The following ZMYND11 variants were observed in gnomAD, a reference collection of about 807,000 sequenced individuals.
ZMYND11 encodes the protein zinc finger MYND-type containing 11.
Under a neutral mutation model 84.9 loss-of-function variants are expected in ZMYND11, and 9 were observed. The observed-to-expected ratio is 0.11, with a 90% CI of 0.06 to 0.18. The LOEUF is 0.18. Among genes scored for constraint, ZMYND11 ranks in the 10% least tolerant of loss-of-function variants. ZMYND11 has a pLI of 1.00. For missense variants in ZMYND11, 409 were observed against 761.0 expected (o/e 0.54, Z 5.44); for synonymous variants, 250 against 244.1 (o/e 1.02, Z -0.23).
At chr10:176,820 A>G (rs147654563) in intron 1 of ZMYND11, among the ~76,000 whole-genome samples, 1 of 152,294 alleles carries the variant, frequency 6.6e-6, no homozygotes, top group Non-Finnish European at 1.5e-5. Flanking sequence ...GCAGGGGAGA[A>G]CATTCCAGGG....
At chr10:130,387 C>G (rs373920562), upstream of ZMYND11, among the ~76,000 whole-genome samples, 2 of 152,168 alleles carry the variant, frequency 1.3e-5, no homozygotes, top group East Asian at 1.9e-4. Flanking sequence ...GTGTGCTCGA[C>G]TACGGGACGT....
chr10:219,157 C>G (rs1254400995), intron 3 of ZMYND11, among the ~76,000 whole-genome samples: 4 of 152,100 alleles, frequency 2.6e-5, no homozygotes, highest in African/African-American at 9.7e-5. Context: ...AACACCCTAT[C>G]AAAGATCCAT....
chr10:240,869 A>G, intron 8 of ZMYND11, 24 bp from the exon 9 acceptor site: 1 of 1,584,138 alleles, frequency 6.3e-7, no homozygotes, highest in Non-Finnish European at 8.6e-7. Flanking sequence ...TATGTAGGCT[A>G]AAGTAGTTTC....
intron 4 of ZMYND11, among the ~76,000 whole-genome samples, chr10:233,763 C>G (rs1949430923): frequency 1.3e-5 from 2 of 152,176 alleles, no homozygotes; most frequent in Non-Finnish European, 2.9e-5. Flanking sequence ...CAGACAAAAT[C>G]AGACTTTCAT....
chr10:173,359 C>T (rs1564314901), intron 1 of ZMYND11, among the ~76,000 whole-genome samples: 1 of 152,152 alleles, frequency 6.6e-6, no homozygotes, highest in Non-Finnish European at 1.5e-5. Flanking sequence ...AGGCTACAGA[C>T]TGGGAGAAAA....
chr10:140,834 A>C (rs1400629447), intron 1 of ZMYND11, among the ~76,000 whole-genome samples: 1 of 152,248 alleles, frequency 6.6e-6, no homozygotes, highest in Non-Finnish European at 1.5e-5. Flanking sequence ...AGTATGTGGC[A>C]CATTTCATTT....
intron 4 of ZMYND11, among the ~76,000 whole-genome samples, chr10:222,943 A>G (rs946862919): frequency 6.6e-6 from 1 of 152,116 alleles, no homozygotes; most frequent in East Asian, 1.9e-4. Context: ...GAATTGAACA[A>G]TTATTATACC....
intron 4 of ZMYND11, among the ~76,000 whole-genome samples, chr10:222,737 C>T (rs1461227514): frequency 1.3e-5 from 2 of 151,598 alleles, no homozygotes; most frequent in Non-Finnish European, 1.5e-5. Flanking sequence ...TTAGTAGTCA[C>T]ATGGGGATCC....
intron 1 of ZMYND11, among the ~76,000 whole-genome samples, chr10:154,312 T>C (rs1308783242): frequency 1.3e-5 from 2 of 152,224 alleles, no homozygotes; most frequent in Non-Finnish European, 2.9e-5. Context: ...TTATAGTGTC[T>C]CTGTAAGGCA....
intron 2 of ZMYND11, chr10:198,129 A>G (rs930136285): frequency 1.9e-4 from 71 of 378,714 alleles, no homozygotes; most frequent in African/African-American, 1.5e-3. Flanking sequence ...TTAAATTAAA[A>G]ATATTTCCTT....
chr10:184,689 G>T (rs906506446), intron 2 of ZMYND11, among the ~76,000 whole-genome samples: 1 of 152,050 alleles, frequency 6.6e-6, no homozygotes, highest in Non-Finnish European at 1.5e-5. Context: ...TGACCATCAG[G>T]GTGTCATTCT....
intron 10 of ZMYND11, among the ~76,000 whole-genome samples, chr10:245,037 CAGTAAATATCTGTTGATTGGAAGAGT>C (rs1264346928): frequency 6.6e-6 from 1 of 152,104 alleles, no homozygotes; most frequent in Non-Finnish European, 1.5e-5. Context: ...AATAGGAAAT[CAGTAAATATCTGTTGATTGGAAGAGT>C]AAATATATTC....
chr10:143,219 G>C (rs1243724914), intron 1 of ZMYND11, among the ~76,000 whole-genome samples: 1 of 152,160 alleles, frequency 6.6e-6, no homozygotes, highest in Admixed American at 6.5e-5. Context: ...GGTAAAGAGA[G>C]AAATAATCGA....
chr10:131,541 C>T (rs1367046659), upstream of ZMYND11, among the ~76,000 whole-genome samples: 3 of 152,130 alleles, frequency 2.0e-5, no homozygotes, highest in Non-Finnish European at 4.4e-5. Flanking sequence ...GACAGTTTCT[C>T]CTGGAGAACG....
intron 4 of ZMYND11, among the ~76,000 whole-genome samples, chr10:223,082 G>T (rs1307333303): frequency 2.6e-5 from 4 of 151,582 alleles, no homozygotes; most frequent in African/African-American, 7.3e-5. Flanking sequence ...CAGGCTGGAG[G>T]GCAGTGGCAT....
intron 5 of ZMYND11, among the ~76,000 whole-genome samples, chr10:237,369 G>T (rs181263289): frequency 2.0e-5 from 3 of 152,242 alleles, no homozygotes; most frequent in Admixed American, 2.0e-4. Context: ...TTGGCCGGGC[G>T]CCGTGGCTCC....
intron 4 of ZMYND11, among the ~76,000 whole-genome samples, chr10:232,577 C>T (rs1238687549): frequency 1.3e-5 from 2 of 152,170 alleles, no homozygotes; most frequent in African/African-American, 4.8e-5. Context: ...GTGGCCTTCC[C>T]TTGGGTAGTG....
At chr10:177,988 T>A (rs1273175002) in intron 1 of ZMYND11, among the ~76,000 whole-genome samples, 1 of 152,214 alleles carries the variant, frequency 6.6e-6, no homozygotes, top group Non-Finnish European at 1.5e-5. Flanking sequence ...ATTATTTTTA[T>A]CTTTGCTTTA....
At chr10:249,760 A>G (rs1952958650) in intron 14 of ZMYND11, 1 of 985,176 alleles carries the variant, frequency 1.0e-6, no homozygotes. Flanking sequence ...TTTCAGTTTT[A>G]ATAAATGACT....
Sources: gnomAD v4.1 joint callset for allele counts (sites outside exome capture counted in the v4.1 genomes callset) on GRCh38, gnomAD v4.1.1 for gene constraint, MANE v1.5 for transcripts, NCBI Gene and HGNC (gene_info 2026-07-23, HGNC 2026-07-21) for gene names.